SLC13A5: variants seen among roughly 807,000 people sequenced by gnomAD.
SLC13A5 encodes the protein solute carrier family 13 member 5, also known as Na(+)/citrate cotransporter.
A neutral mutation model predicts 56.5 loss-of-function variants in SLC13A5; 25 were observed. That is an observed-to-expected ratio of 0.44 (90% CI 0.32 to 0.62). The LOEUF is 0.62. SLC13A5 is among the 20% of genes least tolerant of loss of function. SLC13A5 has a pLI of 0.04. For missense variants in SLC13A5, 649 were observed against 737.8 expected, an observed-to-expected ratio of 0.88 and a Z score of 1.39; for synonymous variants, 307 against 301.5, an observed-to-expected ratio of 1.02 and a Z score of -0.19.
chr17:6,703,474 G>A (rs117273112), intron 4 of SLC13A5, among the ~76,000 whole-genome samples: 1 of 152,190 alleles, frequency 6.6e-6, no homozygotes, highest in Non-Finnish European at 1.5e-5. Flanking sequence ...AGCATGGGAC[G>A]CCAAGCCCCA....
At chr17:6,703,491 T>C (rs1490669941) in intron 4 of SLC13A5, among the ~76,000 whole-genome samples, 1 of 152,070 alleles carries the variant, frequency 6.6e-6, no homozygotes, top group South Asian at 2.1e-4. Flanking sequence ...CCCAGACCTA[T>C]GGGAGCAGAG....
At chr17:6,708,724 C>A (rs1001830652) in intron 1 of SLC13A5, among the ~76,000 whole-genome samples, 1 of 152,184 alleles carries the variant, frequency 6.6e-6, no homozygotes, top group African/African-American at 2.4e-5. Context: ...AGATCCTGTC[C>A]CGGCAGCTCA....
At chr17:6,703,637 T>C (rs1405089016) in intron 4 of SLC13A5, among the ~76,000 whole-genome samples, 1 of 152,244 alleles carries the variant, frequency 6.6e-6, no homozygotes, top group Non-Finnish European at 1.5e-5. Flanking sequence ...CACTGATTTC[T>C]GCAACTGATG....
In SLC13A5 at chr17:6,701,096, G is replaced by A; in HGVS notation, c.747C>T (p.Asn249=). Residue 249 remains asparagine (N), a synonymous_variant, in exon 6 of 12, where the codon AAC becomes AAT. Transcript: ENST00000433363. The surrounding 1 kb of genome is among the most constrained non-coding windows in gnomAD (Gnocchi z 4.1). ...AGGCAAATGCAAACCAGGAAGCAAA[G>A]TTCACGAGGTCCTTGCTGTCAGGAA... ...ELFPDSKDLV[N]FASWFAFAFP... 2 of 1,614,168 alleles carry A rather than the reference G, an allele frequency of 1.2e-6. No homozygotes were observed. Among genetic ancestry groups the A allele is most frequent in the Non-Finnish European group, 1.7e-6 (2 of 1,180,018 alleles).
In SLC13A5 at chr17:6,707,099, T is replaced by C; in HGVS notation, c.160A>G (p.Ile54Val). Residue 54 changes from isoleucine to valine, a missense_variant, in exon 2 of 12, where the codon ATC becomes GTC. Ile to Val is a conservative substitution (Grantham distance 29). Transcript: ENST00000433363. Reference protein sequence around the residue: ...LMAIYWCTEVIPLAVTSLMPV... With the variant: ...LMAIYWCTEVVPLAVTSLMPV... Reference sequence around the variant, plus strand: ...ATGAGAGAGGTGACAGCCAGAGGGATGACTTCTGTGCACCAGTAAATGGCC... The same window carrying C: ...ATGAGAGAGGTGACAGCCAGAGGGACGACTTCTGTGCACCAGTAAATGGCC... 6.2e-7 allele frequency: 1 copy of C among 1,614,072 alleles called. No homozygotes were observed. Among genetic ancestry groups the C allele is most frequent in the South Asian group, 1.1e-5 (1 of 91,080 alleles).
intron 1 of SLC13A5, 69 bp from the exon 2 acceptor site, chr17:6,707,225 C>A (rs1017750214): frequency 2.5e-6 from 4 of 1,581,524 alleles, no homozygotes; most frequent in South Asian, 2.3e-5. Flanking sequence ...ACACTCCGGA[C>A]GGCGGCTGGC....
In SLC13A5 at chr17:6,701,246, C is replaced by T; in HGVS notation, c.717-120G>A. The T allele has an allele frequency of 3.6e-6, 5 of 1,382,516 alleles. No individual in the cohort carries two copies. Among genetic ancestry groups the T allele is most frequent in the Non-Finnish European group, 4.9e-6 (5 of 1,021,020 alleles). The allele number at this position is 1,382,516 out of a possible 1,614,324, so 85.6% of individuals were successfully genotyped here. On this transcript the variant is annotated intron_variant, in intron 5 of 11. Coordinates refer to ENST00000433363, the MANE Select transcript of SLC13A5 (RefSeq NM_177550.5). This position sits in a 1 kb window ranked among gnomAD's most constrained non-coding sequence, Gnocchi z 4.1. ...GGCGCGCCTGTGTGGAGGCCACATC[C>T]TCCTGAGGTCTAGCCACCAAGTCCA...
intron 11 of SLC13A5, 160 bp from the exon 12 acceptor site, chr17:6,686,498 C>A (rs1973256519): frequency 2.5e-6 from 2 of 803,344 alleles, no homozygotes; most frequent in South Asian, 1.7e-5. Context: ...TTCATGTCCC[C>A]CAGGTATCCT....
chr17:6,700,045 G>C (rs1973668205), intron 6 of SLC13A5, among the ~76,000 whole-genome samples: 3 of 152,150 alleles, frequency 2.0e-5, no homozygotes, highest in African/African-American at 7.2e-5. Context: ...TCTTCCCTCT[G>C]GTCACAAATT....
rs1420897648 is a variant in SLC13A5, at chr17:6,692,203, GGATA to G, written c.1275+837_1275+840del. On this transcript the variant is annotated intron_variant, in intron 9 of 11. Transcript: ENST00000433363. The surrounding 1 kb of genome is among the most constrained non-coding windows in gnomAD (Gnocchi z 5.5). Reference sequence around the variant, plus strand: ...TGGATGGATGGATAGATAGATGGGTGGATAGATAGATGGGTGGATGGATGGACAG... The same window carrying G: ...TGGATGGATGGATAGATAGATGGGTGGATAGATGGGTGGATGGATGGACAG... Among the ~76,000 whole-genome samples the G allele has an allele frequency of 4.7e-5, 7 of 150,492 alleles. No individual in the cohort carries two copies. The highest frequency in any genetic ancestry group is 4.6e-4 in the Admixed American group (7 of 15,128).
At chr17:6,693,208 C>A in intron 8 of SLC13A5, 46 bp from the exon 9 acceptor site, 1 of 952,380 alleles carries the variant, frequency 1.0e-6, no homozygotes, top group Non-Finnish European at 1.6e-6. Context: ...CACACACACA[C>A]ACACACACAC....
chr17:6,708,232 T>C (rs565563390), intron 1 of SLC13A5, among the ~76,000 whole-genome samples: 2 of 152,330 alleles, frequency 1.3e-5, no homozygotes, highest in East Asian at 3.9e-4. Flanking sequence ...CACCCTAAAG[T>C]GCTGGGATTA....
intron 1 of SLC13A5, among the ~76,000 whole-genome samples, chr17:6,709,821 G>C (rs533016493): frequency 6.6e-6 from 1 of 152,272 alleles, no homozygotes; most frequent in South Asian, 2.1e-4. Context: ...TGGGAGGCAG[G>C]GTCCCTCAGC....
At chr17:6,689,293 C>T (rs1049706907) in intron 10 of SLC13A5, 2 of 152,318 alleles carry the variant, frequency 1.3e-5, no homozygotes, top group African/African-American at 4.8e-5. Flanking sequence ...CGACCATCCT[C>T]GTTTTCCTGG....
chr17:6,699,042 C>G (rs1033665434), intron 6 of SLC13A5, among the ~76,000 whole-genome samples: 7 of 100,594 alleles, frequency 7.0e-5, no homozygotes, highest in Non-Finnish European at 1.2e-4. Flanking sequence ...GACACTGTCT[C>G]AAAAATAAAT....
chr17:6,702,058 T>G (rs1973729538), intron 5 of SLC13A5, among the ~76,000 whole-genome samples: 1 of 152,206 alleles, frequency 6.6e-6, no homozygotes, highest in South Asian at 2.1e-4. Context: ...CAGAAAACAC[T>G]CCCGAAATTA....
At chr17:6,708,017 G>C (rs984339532) in intron 1 of SLC13A5, among the ~76,000 whole-genome samples, 17 of 152,150 alleles carry the variant, frequency 1.1e-4, no homozygotes, top group African/African-American at 4.1e-4. Flanking sequence ...CTGTTGCCCA[G>C]GCTGGAGTGC....
rs1412079938 is a variant in SLC13A5 at position 6,699,896 on chromosome 17, G to A, written c.839+1108C>T. Among the ~76,000 whole-genome samples, 4 of 152,324 alleles carry A rather than the reference G, an allele frequency of 2.6e-5. 1 individual carries two copies. The highest frequency in any genetic ancestry group is 1.9e-4 in the East Asian group (1 of 5,182). ...GTTGGGATTACAGGTGTGAGCCATC[G>A]CGCCCGGCCTGTATAGCAACTTTTT... is the stretch of plus-strand genomic sequence containing the variant. On this transcript the variant is annotated intron_variant, in intron 6 of 11. Coordinates refer to ENST00000433363, the MANE Select transcript of SLC13A5 (RefSeq NM_177550.5).
At chr17:6,703,845 T>TGTGGCCTGGCAGTGCC in intron 4 of SLC13A5, 33 bp downstream of exon 4, 1 of 1,503,970 alleles carries the variant, frequency 6.6e-7, no homozygotes, top group Non-Finnish European at 8.9e-7. Flanking sequence ...AGGCTGCTGT[T>TGTGGCCTGGCAGTGCC]GTGGCCTGGC....
Sources: allele counts gnomAD v4.1 joint callset (sites outside exome capture counted in the v4.1 genomes callset), GRCh38; gene constraint gnomAD v4.1.1; non-coding constraint Gnocchi (gnomAD v3.1); transcripts MANE v1.5; gene names NCBI Gene and HGNC (gene_info 2026-07-23, HGNC 2026-07-21).